Variants in ACP3 observed in about 807,000 individuals in gnomAD.
ACP3 encodes the protein prostatic acid phosphatase.
Under a neutral mutation model 45.6 loss-of-function variants are expected in ACP3, and 38 were observed. The observed-to-expected ratio is 0.83, with a 90% CI of 0.64 to 1.09. The LOEUF is 1.09. Among genes scored for constraint, ACP3 ranks in the 50% least tolerant of loss-of-function variants. The probability of loss-of-function intolerance (pLI) is 0.00; values close to 1 mark genes in which losing one functional copy is unlikely to be tolerated. For synonymous variants in ACP3, 162 were observed against 164.7 expected (o/e 0.98, Z 0.13); for missense variants, 466 against 463.2 (o/e 1.01, Z -0.05).
downstream of ACP3, among the ~76,000 whole-genome samples, chr3:132,361,439 T>C (rs1336042420): frequency 2.6e-5 from 4 of 152,210 alleles, no homozygotes; most frequent in Admixed American, 2.0e-4. Context: ...AACGCTGACC[T>C]GTCCCATACA....
chr3:132,321,017 T>A (rs1278328502), intron 1 of ACP3, among the ~76,000 whole-genome samples: 2 of 152,044 alleles, frequency 1.3e-5, no homozygotes, highest in Non-Finnish European at 2.9e-5. Flanking sequence ...CTGGAATGGG[T>A]AACTTCCACA....
At chr3:132,337,590 T>C (rs1227337940) in intron 5 of ACP3, 36 bp downstream of exon 5, 1 of 1,395,724 alleles carries the variant, frequency 7.2e-7, no homozygotes, top group East Asian at 2.3e-5. Context: ...TACTTGTTAG[T>C]TTGTTAGTGG....
At chr3:132,336,430 G>C (rs1008661169) in intron 4 of ACP3, among the ~76,000 whole-genome samples, 5 of 152,136 alleles carry the variant, frequency 3.3e-5, no homozygotes, top group African/African-American at 1.2e-4. Flanking sequence ...AAAAAAAGCG[G>C]TCTATTTTGA....
chr3:132,367,736 C>A, exon 11 of ACP3: 1 of 1,613,708 alleles, frequency 6.2e-7, no homozygotes, highest in South Asian at 1.1e-5. Flanking sequence ...TGCCTTTTGC[C>A]TGATATCTGC....
chr3:132,324,276 A>G (rs933817056), intron 1 of ACP3, among the ~76,000 whole-genome samples: 2 of 152,048 alleles, frequency 1.3e-5, no homozygotes, highest in Non-Finnish European at 2.9e-5. Context: ...CACTGGATAT[A>G]GCCTCGACTG....
intron 6 of ACP3, among the ~76,000 whole-genome samples, chr3:132,343,892 G>C (rs1226297856): frequency 6.6e-6 from 1 of 152,158 alleles, no homozygotes; most frequent in East Asian, 1.9e-4. Flanking sequence ...CAGCACTTCT[G>C]GGAGGCTGAG....
downstream of ACP3, among the ~76,000 whole-genome samples, chr3:132,362,785 A>G (rs1186462249): frequency 6.6e-6 from 1 of 152,236 alleles, no homozygotes; most frequent in Non-Finnish European, 1.5e-5. Context: ...GGCCAAAGGC[A>G]GCATAGAGCA....
intron 8 of ACP3, among the ~76,000 whole-genome samples, chr3:132,351,425 C>T (rs975805711): frequency 3.3e-5 from 5 of 152,204 alleles, no homozygotes; most frequent in African/African-American, 1.2e-4. Flanking sequence ...AGCATGCTGA[C>T]TCCTTTCACT....
intron 3 of ACP3, 145 bp downstream of exon 3, chr3:132,331,878 T>G: frequency 1.2e-6 from 1 of 836,126 alleles, no homozygotes; most frequent in Non-Finnish European, 1.9e-6. Flanking sequence ...TTATGCAAAT[T>G]TTTGTTCCAA....
chr3:132,329,718 A>G (rs1937364784), intron 2 of ACP3, among the ~76,000 whole-genome samples: 1 of 152,146 alleles, frequency 6.6e-6, no homozygotes, highest in Admixed American at 6.5e-5. Flanking sequence ...TTAGGGCAGT[A>G]TTTCTCAAGC....
downstream of ACP3, among the ~76,000 whole-genome samples, chr3:132,362,766 A>G (rs1938066158): frequency 1.3e-5 from 2 of 152,348 alleles, no homozygotes; most frequent in South Asian, 4.1e-4. Flanking sequence ...GAATGCATAA[A>G]GGCCAAGAGG....
chr3:132,325,145 A>G (rs1183967423), intron 1 of ACP3, among the ~76,000 whole-genome samples: 1 of 152,214 alleles, frequency 6.6e-6, no homozygotes, highest in African/African-American at 2.4e-5. Flanking sequence ...CGCATAGTCC[A>G]AGAACTCCAG....
rs557207276 is a variant in ACP3, at chr3:132,322,082, A to T, written c.120+4506A>T. Among the ~76,000 whole-genome samples the T allele has an allele frequency of 5.3e-5, 8 of 152,330 alleles. No homozygotes were observed. The East Asian group carries it at 1.5e-3, about 29-fold the overall frequency. On this transcript the variant is annotated intron_variant, in intron 1 of 9. Coordinates refer to ENST00000336375, the MANE Select transcript of ACP3 (RefSeq NM_001099.5). ...TTGAGGCATGCAGAATGTTAAGTTAAATCATTTTCCCAAGGTCACCCAGCA... is the reference window on the plus strand; with the variant it reads ...TTGAGGCATGCAGAATGTTAAGTTATATCATTTTCCCAAGGTCACCCAGCA...
rs1284583988 is a variant in ACP3 at position 132,356,715 on chromosome 3, A to G, written c.998A>G (p.Asn333Ser). Reference sequence around the variant, plus strand: ...TACTTTGTGGAGATGTACTATCGGAATGAGACGCAGCACGAGCCGTATCCC... The same window carrying G: ...TACTTTGTGGAGATGTACTATCGGAGTGAGACGCAGCACGAGCCGTATCCC... ...GEYFVEMYYR[N>S]ETQHEPYPLM... The change falls in exon 10 of 10, where the codon AAT (asparagine) becomes AGT (serine). Residue 333 changes from asparagine (N) to serine (S), a missense_variant. By Grantham distance (46) the Asn-to-Ser change is conservative. Transcript: ENST00000336375. The G allele has an allele frequency of 3.7e-6, 6 of 1,613,978 alleles. No homozygotes were observed. The highest frequency in any genetic ancestry group is 5.1e-6 in the Non-Finnish European group (6 of 1,180,018).
intron 7 of ACP3, among the ~76,000 whole-genome samples, chr3:132,347,459 G>A (rs1368540982): frequency 6.6e-6 from 1 of 151,958 alleles, no homozygotes; most frequent in Admixed American, 6.6e-5. Context: ...TTTTGTTTTT[G>A]TTTCTTTGTA....
intron 4 of ACP3, among the ~76,000 whole-genome samples, chr3:132,336,786 C>T (rs1937498332): frequency 6.6e-6 from 1 of 152,080 alleles, no homozygotes; most frequent in Admixed American, 6.6e-5. Flanking sequence ...GCTAGAAATA[C>T]AGGACTAGTC....
rs11391543 is a variant in ACP3 at position 132,327,793 on chromosome 3, CA to C, written c.121-462del. 1.1e-4 allele frequency among the ~76,000 whole-genome samples: 17 copies of C among 149,506 alleles called. 1 individual carries two copies. The highest frequency in any genetic ancestry group is 4.0e-4 in the Admixed American group (6 of 14,998). On this transcript the variant is annotated intron_variant, in intron 1 of 9. Transcript: ENST00000336375. ...TGGGCAACAGAGCAAGACACTGTTT[CA>C]AAAAAAAAAAAGTTATACCACTATT...
chr3:132,325,670 G>A (rs1420303745), intron 1 of ACP3, among the ~76,000 whole-genome samples: 1 of 147,918 alleles, frequency 6.8e-6, no homozygotes, highest in East Asian at 2.0e-4. Context: ...TAATAAAGAA[G>A]CGTTAGATCC....
intron 10 of ACP3, among the ~76,000 whole-genome samples, chr3:132,365,638 G>C (rs545072959): frequency 6.6e-6 from 1 of 151,908 alleles, no homozygotes; most frequent in South Asian, 2.1e-4. Flanking sequence ...TTTGTTTTAA[G>C]GAGAGAAGTG....
Sources: gnomAD v4.1 joint callset for allele counts (sites outside exome capture counted in the v4.1 genomes callset) on GRCh38, gnomAD v4.1.1 for gene constraint, MANE v1.5 for transcripts, NCBI Gene and HGNC (gene_info 2026-07-23, HGNC 2026-07-21) for gene names.